Variants in NR3C1 observed in about 807,000 individuals in gnomAD.
NR3C1 encodes the protein nuclear receptor subfamily 3 group C member 1.
Under a neutral mutation model 74.0 loss-of-function variants are expected in NR3C1, and 14 were observed. The ratio of observed to expected loss-of-function variants is 0.19; its 90% CI spans 0.12 to 0.30. The LOEUF (loss-of-function observed/expected upper bound fraction) is 0.30, where lower values mean the gene tolerates loss of function less well. Ranked by LOEUF, NR3C1 falls within the 10% of genes least tolerant of loss-of-function variation. The pLI is 1.00. For missense variants in NR3C1, 695 were observed against 909.8 expected (o/e 0.76, Z 3.04); for synonymous variants, 308 against 332.5 (o/e 0.93, Z 0.80).
intron 7 of NR3C1, among the ~76,000 whole-genome samples, chr5:143,291,911 C>T (rs1816030615): frequency 6.6e-6 from 1 of 152,122 alleles, no homozygotes; most frequent in African/African-American, 2.4e-5. Flanking sequence ...TTGTAAATTC[C>T]CTATCTGATA....
intron 2 of NR3C1, among the ~76,000 whole-genome samples, chr5:143,346,630 C>T (rs547322786): frequency 6.6e-6 from 1 of 152,054 alleles, no homozygotes; most frequent in Non-Finnish European, 1.5e-5. Flanking sequence ...GAGATCGCCA[C>T]CAAAATAATG....
At chr5:143,360,787 G>T (rs1248314471) in intron 2 of NR3C1, among the ~76,000 whole-genome samples, 1 of 152,138 alleles carries the variant, frequency 6.6e-6, no homozygotes, top group African/African-American at 2.4e-5. Flanking sequence ...CATCTAATAT[G>T]ACTGATATAT....
chr5:143,312,975 G>T (rs1342398734), intron 3 of NR3C1, among the ~76,000 whole-genome samples: 2 of 152,156 alleles, frequency 1.3e-5, no homozygotes, highest in African/African-American at 4.8e-5. Flanking sequence ...GGTGTAATAT[G>T]AGTAATTTTA....
In NR3C1 at chr5:143,400,220, T is replaced by C; in HGVS notation, c.620A>G (p.Glu207Gly). 1 of 1,604,900 alleles carries C rather than the reference T, an allele frequency of 6.2e-7. No individual in the cohort carries two copies. Among genetic ancestry groups the C allele is most frequent in the Non-Finnish European group, 8.5e-7 (1 of 1,176,136 alleles). ...TGATCTCCAAGGACTCTCATTCGTC[T>C]CTTTACCTGGGGACCCAGAAGAAAA... ...LEFSSGSPGK[E>G]TNESPWRSDL... is the part of the protein sequence containing the mutation. Residue 207 changes from glutamate to glycine, a missense_variant, in exon 2 of 9, where the codon GAG becomes GGG. Physicochemically the swap from Glu to Gly is moderately conservative, Grantham distance 98. This residue lies in a region of NR3C1 where 497 missense variants were observed against 489.5 expected (regional missense o/e 1.02). Transcript: ENST00000394464.
chr5:143,387,937 G>A (rs1837546864), intron 2 of NR3C1, among the ~76,000 whole-genome samples: 1 of 152,164 alleles, frequency 6.6e-6, no homozygotes, highest in South Asian at 2.1e-4. Flanking sequence ...AGGTAAGTCA[G>A]TACAAACATA....
At chr5:143,282,347 G>T (rs1813286782) in intron 8 of NR3C1, among the ~76,000 whole-genome samples, 1 of 151,634 alleles carries the variant, frequency 6.6e-6, no homozygotes, top group South Asian at 2.1e-4. Flanking sequence ...GTAATAACAT[G>T]GTGATTTTAT....
intron 2 of NR3C1, among the ~76,000 whole-genome samples, chr5:143,357,944 C>T (rs2151809845): frequency 6.6e-6 from 1 of 152,226 alleles, no homozygotes; most frequent in African/African-American, 2.4e-5. Context: ...TAACGTAAAA[C>T]CCTGAGATAA....
chr5:143,338,211 G>A (rs1827527498), intron 2 of NR3C1, among the ~76,000 whole-genome samples: 1 of 152,170 alleles, frequency 6.6e-6, no homozygotes, highest in Non-Finnish European at 1.5e-5. Flanking sequence ...CGTGCTACCA[G>A]TTATAGAAAA....
chr5:143,376,130 A>G (rs1835147256), intron 2 of NR3C1, among the ~76,000 whole-genome samples: 1 of 147,796 alleles, frequency 6.8e-6, no homozygotes. Context: ...AGATGTGGAG[A>G]AAAAAAAAAA....
intron 2 of NR3C1, among the ~76,000 whole-genome samples, chr5:143,349,137 T>A (rs995043431): frequency 4.6e-5 from 7 of 152,174 alleles, no homozygotes; most frequent in African/African-American, 1.7e-4. Flanking sequence ...TGTCTTTTTG[T>A]GGCGATTGTT....
chr5:143,339,390 T>C (rs1827787363), intron 2 of NR3C1, among the ~76,000 whole-genome samples: 1 of 152,206 alleles, frequency 6.6e-6, no homozygotes, highest in Admixed American at 6.5e-5. Flanking sequence ...TCTTATCTTC[T>C]CCCCTATTTT....
At chr5:143,316,962 T>C (rs1402934153) in intron 2 of NR3C1, among the ~76,000 whole-genome samples, 1 of 152,122 alleles carries the variant, frequency 6.6e-6, no homozygotes, top group Non-Finnish European at 1.5e-5. Flanking sequence ...AATGAACAAA[T>C]GGATTGATAG....
At chr5:143,340,280 C>T (rs905086225) in intron 2 of NR3C1, among the ~76,000 whole-genome samples, 3 of 151,802 alleles carry the variant, frequency 2.0e-5, no homozygotes, top group Non-Finnish European at 2.9e-5. Context: ...AGACTCAATC[C>T]CCAAATTGAA....
At chr5:143,397,401 CAT>C (rs1188264775) in intron 2 of NR3C1, among the ~76,000 whole-genome samples, 1 of 151,780 alleles carries the variant, frequency 6.6e-6, no homozygotes, top group Non-Finnish European at 1.5e-5. Context: ...AGTCATGTAA[CAT>C]ATAGAGAAGA....
chr5:143,375,784 TG>T (rs2151869235), intron 2 of NR3C1: 1 of 152,318 alleles, frequency 6.6e-6, no homozygotes, highest in South Asian at 2.1e-4. Context: ...CTGGAAAAAT[TG>T]ATCAAAGAGG....
At chr5:143,338,617 A>C (rs1231060931) in intron 2 of NR3C1, among the ~76,000 whole-genome samples, 1 of 152,216 alleles carries the variant, frequency 6.6e-6, no homozygotes, top group African/African-American at 2.4e-5. Context: ...GAAGGACATA[A>C]AATTTTCTTT....
chr5:143,365,792 C>A (rs1833076239), intron 2 of NR3C1, among the ~76,000 whole-genome samples: 2 of 152,146 alleles, frequency 1.3e-5, no homozygotes, highest in Non-Finnish European at 2.9e-5. Context: ...AGATAGAAAT[C>A]ATACAAAGTA....
intron 2 of NR3C1, among the ~76,000 whole-genome samples, chr5:143,317,334 C>A (rs1446841545): frequency 6.6e-6 from 1 of 152,108 alleles, no homozygotes; most frequent in African/African-American, 2.4e-5. Context: ...GCATATTTCA[C>A]CCCCTTTGAA....
chr5:143,357,933 C>A (rs1035995292), intron 2 of NR3C1, among the ~76,000 whole-genome samples: 7 of 152,144 alleles, frequency 4.6e-5, no homozygotes, highest in African/African-American at 1.7e-4. Context: ...TGGTTAATAA[C>A]TAACGTAAAA....
Sources: gnomAD v4.1 joint callset for allele counts (sites outside exome capture counted in the v4.1 genomes callset) on GRCh38, gnomAD v4.1.1 for gene constraint, gnomAD v4.1.1 regional missense constraint, MANE v1.5 for transcripts, NCBI Gene and HGNC (gene_info 2026-07-23, HGNC 2026-07-21) for gene names.